Variants in GPHN observed in about 807,000 individuals in gnomAD.
GPHN encodes gephyrin.
GPHN carries 17 observed loss-of-function variants against 95.5 expected under a neutral mutation model. The observed-to-expected ratio is 0.18, with a 90% CI of 0.12 to 0.27. The LOEUF is 0.27. Ranked by LOEUF, GPHN falls within the 10% of genes least tolerant of loss-of-function variation. The pLI, the probability that GPHN is intolerant of heterozygous loss-of-function variation, is 1.00. For missense variants in GPHN, 660 were observed against 978.1 expected (o/e 0.67, Z 4.34); for synonymous variants, 320 against 322.5 (o/e 0.99, Z 0.08).
intron 9 of GPHN, among the ~76,000 whole-genome samples, chr14:66,976,795 A>C (rs772562849): frequency 6.6e-6 from 1 of 152,086 alleles, no homozygotes; most frequent in Non-Finnish European, 1.5e-5. Flanking sequence ...GAAATCTACC[A>C]TATACAGGGT....
At chr14:67,729,112 T>C in the GPHN span, 11 of 1,407,824 alleles carry the variant, frequency 7.8e-6, no homozygotes, top group East Asian at 2.3e-5. Context: ...TTCTCACTTG[T>C]GTATTTTGCT....
chr14:67,704,774 T>A, the GPHN span, among the ~76,000 whole-genome samples: 1 of 152,230 alleles, frequency 6.6e-6, no homozygotes, highest in African/African-American at 2.4e-5. Context: ...GCCCTTATCT[T>A]GAATTCATAG....
At chr14:67,092,214 G>C (rs1309747206) in intron 12 of GPHN, among the ~76,000 whole-genome samples, 1 of 151,990 alleles carries the variant, frequency 6.6e-6, no homozygotes, top group Non-Finnish European at 1.5e-5. Context: ...ACTGTATTTA[G>C]TAATAAAGAT....
In GPHN at chr14:66,764,153, C is replaced by CA. The variant is rs1487703328; in HGVS notation, c.144-12309dup. Reference sequence around the variant, plus strand: ...TTGAATCATCACAAAACCATGCCCCCAACCCCCCAATCCTTGGAAAAATTG... The same window carrying CA: ...TTGAATCATCACAAAACCATGCCCCCAAACCCCCCAATCCTTGGAAAAATTG... On this transcript the variant is annotated intron_variant, in intron 2 of 22. Coordinates refer to ENST00000478722, the MANE Select transcript of GPHN (RefSeq NM_020806.5). Among the ~76,000 whole-genome samples, 21 of 152,272 alleles carry CA rather than the reference C, an allele frequency of 1.4e-4. No individual in the cohort carries two copies. In the East Asian group the frequency reaches 3.9e-3, roughly 28 times the overall value.
At chr14:66,676,579 A>G (rs1471938653) in intron 1 of GPHN, among the ~76,000 whole-genome samples, 1 of 151,536 alleles carries the variant, frequency 6.6e-6, no homozygotes, top group Admixed American at 6.6e-5. Flanking sequence ...CTTTTCATCT[A>G]TCATTCTGTT....
At chr14:66,780,052 A>G (rs1467230698) in intron 3 of GPHN, among the ~76,000 whole-genome samples, 1 of 152,176 alleles carries the variant, frequency 6.6e-6, no homozygotes, top group Non-Finnish European at 1.5e-5. Context: ...AAAATCAGCA[A>G]TACTTGATAA....
At chr14:66,967,108 A>G (rs1013227681) in intron 9 of GPHN, among the ~76,000 whole-genome samples, 2 of 151,906 alleles carry the variant, frequency 1.3e-5, no homozygotes, top group Non-Finnish European at 2.9e-5. Flanking sequence ...TTTTCTAGGA[A>G]TAAGATTATA....
intron 21 of GPHN, 185 bp downstream of exon 21, chr14:67,169,221 G>A (rs1024623290): frequency 3.3e-6 from 2 of 610,574 alleles, no homozygotes; most frequent in South Asian, 3.9e-5. Context: ...CCTACTTCAT[G>A]ACTTCTAAAG....
chr14:66,789,811 A>T (rs2059908843), intron 3 of GPHN, among the ~76,000 whole-genome samples: 1 of 152,198 alleles, frequency 6.6e-6, no homozygotes, highest in Non-Finnish European at 1.5e-5. Flanking sequence ...ATGCTTCTGT[A>T]ATCCAAACGT....
chr14:67,218,203 G>A, the GPHN span, among the ~76,000 whole-genome samples: 10 of 152,150 alleles, frequency 6.6e-5, no homozygotes, highest in Non-Finnish European at 1.5e-4. Context: ...TGGGTTTGGG[G>A]CCATGGGGCT....
At chr14:66,589,666 C>G (rs1293008034) in intron 1 of GPHN, among the ~76,000 whole-genome samples, 1 of 152,100 alleles carries the variant, frequency 6.6e-6, no homozygotes, top group Non-Finnish European at 1.5e-5. Context: ...TACAGGAGCA[C>G]CCAGATTCAT....
chr14:66,508,341 C>T lies in GPHN; in HGVS notation c.-187C>T. On this transcript the variant is annotated 5_prime_UTR_variant, in exon 1 of 23. Coordinates refer to ENST00000478722, the MANE Select transcript of GPHN (RefSeq NM_020806.5). ...TTCCCCTCCCGCGGACCCGCGCACT[C>T]CCGGCGCGGCCTCTCCCCCACGCAG... 1.6e-6 allele frequency: 1 copy of T among 637,854 alleles called. No individual in the cohort carries two copies. Among genetic ancestry groups the T allele is most frequent in the Non-Finnish European group, 2.8e-6 (1 of 356,784 alleles). 39.5% of individuals were successfully genotyped at this position (637,854 alleles called of 1,614,324 possible). A position where few individuals can be genotyped will look rare whatever the true frequency, so the allele number is the denominator to read the frequency against.
the GPHN span, among the ~76,000 whole-genome samples, chr14:67,494,573 C>G: frequency 4.6e-5 from 7 of 152,186 alleles, no homozygotes; most frequent in African/African-American, 1.7e-4. Context: ...GCCCCGCCCC[C>G]ACACACCATG....
chr14:67,349,852 A>G, the GPHN span, among the ~76,000 whole-genome samples: 1 of 152,242 alleles, frequency 6.6e-6, no homozygotes, highest in Admixed American at 6.5e-5. Context: ...CAAAAATGAA[A>G]GCCTACCACT....
intron 19 of GPHN, among the ~76,000 whole-genome samples, chr14:67,160,336 T>G (rs1009297345): frequency 2.0e-5 from 3 of 152,196 alleles, no homozygotes; most frequent in Non-Finnish European, 4.4e-5. Flanking sequence ...GGTTTAATTT[T>G]TTTTTTCCTT....
At chr14:66,596,352 A>G (rs1326260498) in intron 1 of GPHN, among the ~76,000 whole-genome samples, 1 of 152,036 alleles carries the variant, frequency 6.6e-6, no homozygotes, top group African/African-American at 2.4e-5. Flanking sequence ...ATGAGGTTTC[A>G]CCAGGTACCT....
chr14:66,746,064 T>G (rs1433646290), intron 2 of GPHN, among the ~76,000 whole-genome samples: 1 of 152,146 alleles, frequency 6.6e-6, no homozygotes, highest in Non-Finnish European at 1.5e-5. Context: ...TACCATAGTT[T>G]GTTTATCTAC....
intron 17 of GPHN, among the ~76,000 whole-genome samples, chr14:67,135,547 A>G (rs1384806740): frequency 6.6e-6 from 1 of 152,198 alleles, no homozygotes; most frequent in Non-Finnish European, 1.5e-5. Flanking sequence ...TATTGTAGGT[A>G]AGAAGTCCAA....
At chr14:67,190,546 G>C in the GPHN span, among the ~76,000 whole-genome samples, 1 of 152,146 alleles carries the variant, frequency 6.6e-6, no homozygotes, top group African/African-American at 2.4e-5. Context: ...TGATTTTTCA[G>C]ACTGTTATCC....
Sources: gnomAD v4.1 joint callset for allele counts (sites outside exome capture counted in the v4.1 genomes callset) on GRCh38, gnomAD v4.1.1 for gene constraint, MANE v1.5 for transcripts, NCBI Gene and HGNC (gene_info 2026-07-23, HGNC 2026-07-21) for gene names.